RREB1: variants seen among roughly 807,000 people sequenced by gnomAD.
RREB1 encodes the protein ras responsive element binding protein 1.
In RREB1, 27 loss-of-function variants were observed where a neutral mutation model predicts 117.8. The observed-to-expected ratio is 0.23, with a 90% confidence interval of 0.17 to 0.32. RREB1 has a LOEUF of 0.32. Among genes scored for constraint, RREB1 ranks in the 10% least tolerant of loss-of-function variants. The pLI is 1.00. For synonymous variants in RREB1, 1,298 were observed against 1,026.7 expected (o/e 1.26, Z -5.05); for missense variants, 2,577 against 2,378.2 (o/e 1.08, Z -1.74).
Position 7,181,961 on chromosome 6 carries a change from T to A in RREB1, c.50T>A (p.Ile17Asn), listed in dbSNP as rs1374284558. 1 of 1,614,048 alleles carries A rather than the reference T, an allele frequency of 6.2e-7. No homozygotes were observed. ...AGLEGSDLSS[I>N]NTMMSAVMSV... ...TTGGAAGGTTCAGACCTATCTTCCA[T>A]CAACACCATGATGTCGGCGGTCATG... Residue 17 changes from isoleucine (I) to asparagine (N), a missense_variant, in exon 4 of 13, where the codon ATC becomes AAC. Transcript: ENST00000379938.
chr6:7,164,795 G>A (rs1305888082), intron 1 of RREB1, among the ~76,000 whole-genome samples: 1 of 152,216 alleles, frequency 6.6e-6, no homozygotes, highest in East Asian at 1.9e-4. Context: ...CAAAGACCAC[G>A]ACCTGGCCTC....
At position 7,231,245 on chromosome 6, in the gene RREB1, C is replaced by G; in HGVS notation, c.3146C>G (p.Pro1049Arg). Residue 1049 changes from proline (P) to arginine (R), a missense_variant, in exon 10 of 13, where the codon CCC becomes CGC. Coordinates refer to ENST00000379938, the MANE Select transcript of RREB1 (RefSeq NM_001003699.4). ...TALLRPLRPK[P>R]PLLLPKPPVT... ...TTGCTGCGTCCACTGCGGCCCAAGC[C>G]CCCGCTGCTTTTGCCAAAGCCCCCC... The G allele has an allele frequency of 1.2e-6, 2 of 1,612,614 alleles. No homozygotes were observed. The highest frequency in any genetic ancestry group is 2.2e-5 in the South Asian group (2 of 91,030).
At chr6:7,245,652 A>G (rs1768959904) in intron 11 of RREB1, among the ~76,000 whole-genome samples, 1 of 152,216 alleles carries the variant, frequency 6.6e-6, no homozygotes, top group Non-Finnish European at 1.5e-5. Flanking sequence ...ACAAATCAAG[A>G]GGCAGGAAGT....
At chr6:7,140,805 G>T (rs145157388) in intron 1 of RREB1, 1 of 152,374 alleles carries the variant, frequency 6.6e-6, no homozygotes, top group East Asian at 1.9e-4. Flanking sequence ...GGTCCTGCTC[G>T]CAGGTGGGCT....
At chr6:7,213,431 T>C (rs1220815736) in intron 8 of RREB1, 1 of 152,186 alleles carries the variant, frequency 6.6e-6, no homozygotes, top group Admixed American at 6.5e-5. Flanking sequence ...CCTCCTAAAG[T>C]GCTGGGATTA....
intron 1 of RREB1, among the ~76,000 whole-genome samples, chr6:7,157,751 TG>T (rs1763450418): frequency 6.6e-6 from 1 of 152,008 alleles, no homozygotes; most frequent in African/African-American, 2.4e-5. Context: ...AGCAAGACTC[TG>T]TCTGTCTCTT....
chr6:7,111,787 A>G lies in RREB1; in HGVS notation c.-285+3727A>G, dbSNP rs539590197. 2.6e-5 allele frequency among the ~76,000 whole-genome samples: 4 copies of G among 152,288 alleles called. No homozygotes were observed. In the East Asian group the frequency reaches 7.7e-4, roughly 29 times the overall value. The stretch of plus-strand genomic sequence containing the variant: ...AGCTTGTCTGGTGGACTTCTTGACT[A>G]TTACCAGTGTGTTCAGGTTGAACCT... On this transcript the variant is annotated intron_variant, in intron 1 of 12. Transcript: ENST00000379938.
intron 1 of RREB1, among the ~76,000 whole-genome samples, chr6:7,116,817 G>C (rs999927117): frequency 2.0e-5 from 3 of 152,126 alleles, no homozygotes; most frequent in African/African-American, 7.2e-5. Context: ...TTAATGCCTG[G>C]TTGCACTAAA....
chr6:7,117,058 T>C (rs1006212305), intron 1 of RREB1, among the ~76,000 whole-genome samples: 7 of 152,158 alleles, frequency 4.6e-5, no homozygotes, highest in African/African-American at 1.7e-4. Flanking sequence ...CCATTACTCG[T>C]AGGATTCAAA....
Position 7,229,124 on chromosome 6 carries a change from A to G in RREB1, c.1025A>G (p.Asp342Gly). 2 of 1,609,004 alleles carry G rather than the reference A, an allele frequency of 1.2e-6. No individual in the cohort carries two copies. The highest frequency in any genetic ancestry group is 1.7e-6 in the Non-Finnish European group (2 of 1,176,038). ...ALHKQTHVAA[D>G]QGQEKPQATP... is the part of the protein sequence containing the mutation. ...CACAAGCAGACCCATGTGGCGGCAG[A>G]CCAGGGTCAAGAAAAGCCGCAGGCC... is the stretch of plus-strand genomic sequence containing the variant. Residue 342 changes from aspartate to glycine, a missense_variant, in exon 10 of 13, where the codon GAC becomes GGC. Asp to Gly is a moderately conservative substitution (Grantham distance 94). Transcript: ENST00000379938. The surrounding 1 kb of genome is among the most constrained non-coding windows in gnomAD (Gnocchi z 4.5).
At chr6:7,164,069 T>C (rs1763801349) in intron 1 of RREB1, among the ~76,000 whole-genome samples, 1 of 152,160 alleles carries the variant, frequency 6.6e-6, no homozygotes, top group Admixed American at 6.5e-5. Flanking sequence ...TTCTAAGTTC[T>C]GTGGGGGGAC....
chr6:7,170,189 C>T (rs1298513327), intron 1 of RREB1, among the ~76,000 whole-genome samples: 1 of 152,176 alleles, frequency 6.6e-6, no homozygotes, highest in African/African-American at 2.4e-5. Context: ...GAAACCTAGT[C>T]AGAGTAAGGA....
rs1472643457 is a variant in RREB1 at position 7,245,529 on chromosome 6, C to A, written c.3974-895C>A. On this transcript the variant is annotated intron_variant, in intron 11 of 12. Transcript: ENST00000379938. The stretch of plus-strand genomic sequence containing the variant: ...TCTTTCAACCTTAGTAAAGAGAAGG[C>A]CTTTTGACACTGTTTGATGTGAATA... 4.6e-5 allele frequency among the ~76,000 whole-genome samples: 7 copies of A among 152,292 alleles called. No homozygotes were observed. In the East Asian group the frequency reaches 1.3e-3, roughly 29 times the overall value.
rs750951280 is a variant in RREB1 at position 7,248,543 on chromosome 6, C to T, written c.4804C>T (p.Arg1602Ter). 2 of 1,614,232 alleles carry T rather than the reference C, an allele frequency of 1.2e-6. No individual in the cohort carries two copies. Among genetic ancestry groups the T allele is most frequent in the Non-Finnish European group, 1.7e-6 (2 of 1,180,036 alleles). ...ERPYKCQTCE[R>*]TFTLKHSLVR... ...GCCATACAAATGTCAGACCTGCGAG[C>T]GAACCTTCACCTTGAAGCACAGCCT... The change falls in exon 13 of 13, where the codon CGA (arginine) becomes TGA (stop). Residue 1602 changes from arginine (R) to a stop codon, truncating the protein, a stop_gained. Coordinates refer to ENST00000379938, the MANE Select transcript of RREB1 (RefSeq NM_001003699.4). LOFTEE classifies it high-confidence loss of function.
At chr6:7,193,477 A>T (rs1765515743) in intron 6 of RREB1, among the ~76,000 whole-genome samples, 1 of 152,262 alleles carries the variant, frequency 6.6e-6, no homozygotes, top group Admixed American at 6.5e-5. Flanking sequence ...AAAGTAATAG[A>T]CAGTGCTAAG....
chr6:7,152,951 C>T (rs1763186697), intron 1 of RREB1, among the ~76,000 whole-genome samples: 1 of 152,188 alleles, frequency 6.6e-6, no homozygotes, highest in East Asian at 1.9e-4. Flanking sequence ...ATGCGATTCT[C>T]TTACATACTT....
At chr6:7,130,929 C>G (rs1246509896) in intron 1 of RREB1, among the ~76,000 whole-genome samples, 1 of 45,718 alleles carries the variant, frequency 2.2e-5, no homozygotes, top group Non-Finnish European at 3.6e-5. Context: ...ATAGTCATGT[C>G]TTTTTTTTTT....
chr6:7,120,177 G>A (rs371878457), intron 1 of RREB1, among the ~76,000 whole-genome samples: 54 of 151,606 alleles, frequency 3.6e-4, no homozygotes, highest in African/African-American at 1.3e-3. Flanking sequence ...TAGGCCGGGC[G>A]TGGTGGCTCA....
In RREB1 at chr6:7,229,503, A is replaced by T; in HGVS notation, c.1404A>T (p.Ala468=). ...CTGGCGAGTCGGCCATCGAGCTGGC[A>T]GACATCCAGCAAATTCTGAAGATGG... ...PISGESAIEL[A]DIQQILKMAA... Residue 468 remains alanine, a synonymous_variant, in exon 10 of 13, where the codon GCA becomes GCT. Transcript: ENST00000379938. This position sits in a 1 kb window ranked among gnomAD's most constrained non-coding sequence, Gnocchi z 4.5. The T allele has an allele frequency of 1.2e-6, 2 of 1,614,164 alleles. No homozygotes were observed. Among genetic ancestry groups the T allele is most frequent in the Non-Finnish European group, 1.7e-6 (2 of 1,180,028 alleles).
Sources: gnomAD v4.1 joint callset for allele counts (sites outside exome capture counted in the v4.1 genomes callset) on GRCh38, gnomAD v4.1.1 for gene constraint, Gnocchi (gnomAD v3.1) non-coding constraint, MANE v1.5 for transcripts, NCBI Gene and HGNC (gene_info 2026-07-23, HGNC 2026-07-21) for gene names.